PLCXD3: variants seen among roughly 807,000 people sequenced by gnomAD.
PLCXD3 encodes PI-PLC X domain-containing protein 3.
In PLCXD3, 19 loss-of-function variants were observed where a neutral mutation model predicts 25.5. The observed-to-expected ratio is 0.75, with a 90% CI of 0.52 to 1.09. The LOEUF (loss-of-function observed/expected upper bound fraction) is 1.09, where lower values mean the gene tolerates loss of function less well. Among genes scored for constraint, PLCXD3 ranks in the 50% least tolerant of loss-of-function variants. PLCXD3 has a pLI of 0.00. For synonymous variants in PLCXD3, 174 were observed against 137.6 expected (o/e 1.26, Z -1.85); for missense variants, 411 against 388.1 (o/e 1.06, Z -0.50).
intron 2 of PLCXD3, among the ~76,000 whole-genome samples, chr5:41,351,740 G>A (rs1435717517): frequency 6.6e-6 from 1 of 152,136 alleles, no homozygotes; most frequent in Non-Finnish European, 1.5e-5. Context: ...TTGATTCAAT[G>A]AATAAGAAAT....
chr5:41,393,411 CAT>C (rs1234000053), intron 1 of PLCXD3, among the ~76,000 whole-genome samples: 5 of 152,142 alleles, frequency 3.3e-5, no homozygotes, highest in African/African-American at 9.7e-5. Flanking sequence ...AGTGGCATAA[CAT>C]ATTTAAAGTG....
At chr5:41,334,626 T>C (rs1434558404) in intron 2 of PLCXD3, among the ~76,000 whole-genome samples, 3 of 152,188 alleles carry the variant, frequency 2.0e-5, no homozygotes, top group Non-Finnish European at 4.4e-5. Flanking sequence ...CAAAAAGTAA[T>C]GCAGACAAAT....
chr5:41,396,817 G>A (rs751725682), intron 1 of PLCXD3, among the ~76,000 whole-genome samples: 1 of 152,170 alleles, frequency 6.6e-6, no homozygotes, highest in Admixed American at 6.5e-5. Flanking sequence ...GCAAAGAGAC[G>A]ACTGGAAGCA....
Position 41,474,434 on chromosome 5 carries a change from G to A in PLCXD3, c.103+35990C>T, listed in dbSNP as rs117365372. On this transcript the variant is annotated intron_variant, in intron 1 of 2. Coordinates refer to ENST00000377801, the MANE Select transcript of PLCXD3 (RefSeq NM_001005473.3). ...CTGTTTACTCAGATAGCTTCCAATG[G>A]TATACTGAATTGATCATGACCCTCA... 9.6e-4 allele frequency among the ~76,000 whole-genome samples: 146 copies of A among 152,194 alleles called. 1 individual carries two copies. In the East Asian group the frequency reaches 0.016, roughly 17 times the overall value.
chr5:41,446,479 T>A (rs1282668421), intron 1 of PLCXD3, among the ~76,000 whole-genome samples: 7 of 151,978 alleles, frequency 4.6e-5, no homozygotes, highest in Non-Finnish European at 1.0e-4. Flanking sequence ...CATGGGTGTT[T>A]CATACTGGCA....
At chr5:41,395,934 A>C (rs1202207733) in intron 1 of PLCXD3, among the ~76,000 whole-genome samples, 1 of 152,032 alleles carries the variant, frequency 6.6e-6, no homozygotes. Flanking sequence ...GAAGGAGGGA[A>C]AATTTCCAAA....
intron 2 of PLCXD3, among the ~76,000 whole-genome samples, chr5:41,345,275 G>A (rs937724179): frequency 3.3e-5 from 5 of 152,186 alleles, no homozygotes; most frequent in African/African-American, 1.2e-4. Context: ...GGAATTCAGA[G>A]ATCTAGTCTA....
intron 1 of PLCXD3, among the ~76,000 whole-genome samples, chr5:41,492,155 G>T (rs1290782501): frequency 1.3e-5 from 2 of 152,108 alleles, no homozygotes; most frequent in Non-Finnish European, 2.9e-5. Context: ...CTCAGCATTT[G>T]CTTGTCTGTA....
intron 1 of PLCXD3, among the ~76,000 whole-genome samples, chr5:41,408,524 A>G (rs1313187983): frequency 6.6e-6 from 1 of 152,224 alleles, no homozygotes; most frequent in African/African-American, 2.4e-5. Context: ...TTGGTTGAAT[A>G]CTTTCCTGTC....
chr5:41,334,424 T>C (rs1743922113), intron 2 of PLCXD3, among the ~76,000 whole-genome samples: 1 of 152,106 alleles, frequency 6.6e-6, no homozygotes, highest in South Asian at 2.1e-4. Context: ...AGGATTTGCA[T>C]AGAAGAGCTG....
At position 41,411,862 on chromosome 5, in the gene PLCXD3, A is replaced by C. The variant is rs559845017; in HGVS notation, c.104-29328T>G. Among the ~76,000 whole-genome samples, 160 of 92,354 alleles carry C rather than the reference A, an allele frequency of 1.7e-3. 1 individual carries two copies. Among genetic ancestry groups the C allele is most frequent in the Middle Eastern group, 6.3e-3 (1 of 158 alleles). 60.6% of individuals were successfully genotyped at this position (92,354 alleles called of 152,430 possible). A position where few individuals can be genotyped will look rare whatever the true frequency, so the allele number is the denominator to read the frequency against. ...TATATATCTCCATATATATGTATCC[A>C]TATATATATCTCCATATATATGTAT... On this transcript the variant is annotated intron_variant, in intron 1 of 2. Coordinates refer to ENST00000377801, the MANE Select transcript of PLCXD3 (RefSeq NM_001005473.3).
At chr5:41,475,628 C>T in intron 1 of PLCXD3, 1 of 534,768 alleles carries the variant, frequency 1.9e-6, no homozygotes, top group Non-Finnish European at 3.8e-6. Context: ...CTCTGTTTGT[C>T]CCTGATGTCC....
chr5:41,452,675 T>G (rs148891854), intron 1 of PLCXD3, among the ~76,000 whole-genome samples: 3 of 152,164 alleles, frequency 2.0e-5, no homozygotes, highest in African/African-American at 7.2e-5. Context: ...TATAATCTAC[T>G]TCAAGGTCAG....
chr5:41,315,206 GA>G (rs1743254077), intron 2 of PLCXD3, among the ~76,000 whole-genome samples: 1 of 152,096 alleles, frequency 6.6e-6, no homozygotes, highest in Non-Finnish European at 1.5e-5. Flanking sequence ...GGCAGGAAGG[GA>G]AGTTTCCATG....
At chr5:41,425,525 A>G (rs1227350030) in intron 1 of PLCXD3, among the ~76,000 whole-genome samples, 1 of 152,162 alleles carries the variant, frequency 6.6e-6, no homozygotes, top group Non-Finnish European at 1.5e-5. Flanking sequence ...TTCTCTTTGT[A>G]TTATACATTC....
chr5:41,397,483 G>A (rs549365401), intron 1 of PLCXD3, among the ~76,000 whole-genome samples: 1 of 152,302 alleles, frequency 6.6e-6, no homozygotes, highest in South Asian at 2.1e-4. Context: ...GGATGTACAG[G>A]CAGAAGTCTT....
chr5:41,364,223 C>T (rs975295211), intron 2 of PLCXD3, among the ~76,000 whole-genome samples: 4 of 152,284 alleles, frequency 2.6e-5, no homozygotes, highest in Non-Finnish European at 4.4e-5. Context: ...CAGCTTCCCG[C>T]AACGAATTAC....
At chr5:41,341,220 T>C (rs1253201275) in intron 2 of PLCXD3, among the ~76,000 whole-genome samples, 1 of 151,974 alleles carries the variant, frequency 6.6e-6, no homozygotes, top group Non-Finnish European at 1.5e-5. Context: ...ACTAATGGAG[T>C]ATGTATGGAA....
intron 1 of PLCXD3, among the ~76,000 whole-genome samples, chr5:41,494,085 T>A (rs1748782238): frequency 6.6e-6 from 1 of 152,106 alleles, no homozygotes; most frequent in Non-Finnish European, 1.5e-5. Flanking sequence ...CTTGGCTCCC[T>A]CCCGGGTTTT....
Sources: gnomAD v4.1 joint callset for allele counts (sites outside exome capture counted in the v4.1 genomes callset) on GRCh38, gnomAD v4.1.1 for gene constraint, MANE v1.5 for transcripts, NCBI Gene and HGNC (gene_info 2026-07-23, HGNC 2026-07-21) for gene names.